Variants in LYVE1 observed in about 807,000 individuals in gnomAD.
LYVE1 encodes lymphatic vessel endothelial hyaluronic acid receptor 1.
Under a neutral mutation model 31.5 loss-of-function variants are expected in LYVE1, and 29 were observed. The ratio of observed to expected loss-of-function variants is 0.92; its 90% CI spans 0.69 to 1.26. The LOEUF (loss-of-function observed/expected upper bound fraction) is 1.26, where lower values mean the gene tolerates loss of function less well. Among genes scored for constraint, LYVE1 ranks in the 50% most tolerant of loss-of-function variants. The pLI, the probability that LYVE1 is intolerant of heterozygous loss-of-function variation, is 0.00. For missense variants in LYVE1, 376 were observed against 380.2 expected (o/e 0.99, Z 0.09); for synonymous variants, 134 against 139.4 (o/e 0.96, Z 0.27).
rs2134010270 is a variant in LYVE1 at position 10,564,271 on chromosome 11, C to T, written c.189G>A (p.Leu63=). The change falls in exon 2 of 6, where the codon CTG becomes CTA. Residue 63 remains leucine (L), a synonymous_variant. Transcript: ENST00000256178. ...CCTTGCCGGCCAAACTTAGTCCCAGCAGCCTACAGGCCTCCTTAGCTTCTG... is the reference window on the plus strand; with the variant it reads ...CCTTGCCGGCCAAACTTAGTCCCAGTAGCCTACAGGCCTCCTTAGCTTCTG... The part of the protein sequence containing the change: ...NFTEAKEACR[L]LGLSLAGKDQ... 6.2e-7 allele frequency: 1 copy of T among 1,614,238 alleles called. No homozygotes were observed. The highest frequency in any genetic ancestry group is 8.5e-7 in the Non-Finnish European group (1 of 1,180,038).
intron 1 of LYVE1, among the ~76,000 whole-genome samples, chr11:10,566,234 TG>T (rs1850539145): frequency 6.6e-6 from 1 of 152,058 alleles, no homozygotes; most frequent in South Asian, 2.1e-4. Context: ...TTCAGCCTCC[TG>T]ACTAGCTGGG....
intron 4 of LYVE1, 72 bp downstream of exon 4, chr11:10,560,423 G>A: frequency 7.4e-7 from 1 of 1,354,526 alleles, no homozygotes; most frequent in Non-Finnish European, 1.0e-6. Flanking sequence ...CTAAAGACAG[G>A]CAGGATTCTA....
chr11:10,559,414 G>A (rs1042786224), intron 5 of LYVE1, 117 bp from the exon 6 acceptor site: 4 of 688,422 alleles, frequency 5.8e-6, no homozygotes, highest in South Asian at 1.9e-5. Context: ...TCAGAGTGAT[G>A]CCAGCACATG....
chr11:10,564,437 C>T, intron 1 of LYVE1, 63 bp from the exon 2 acceptor site: 1 of 1,487,874 alleles, frequency 6.7e-7, no homozygotes, highest in East Asian at 2.3e-5. Flanking sequence ...CTTAGACTCT[C>T]CTTCCCAGCA....
chr11:10,557,997 TAAC>T lies in LYVE1; in HGVS notation c.*1111_*1113del, dbSNP rs1446593062. 3.3e-5 allele frequency: 5 copies of T among 152,202 alleles called. No individual in the cohort carries two copies. Among genetic ancestry groups the T allele is most frequent in the Non-Finnish European group, 5.9e-5 (4 of 68,032 alleles). The allele number at this position is 152,202 out of a possible 1,614,324, so 9.4% of individuals were successfully genotyped here. A position where few individuals can be genotyped will look rare whatever the true frequency, so the allele number is the denominator to read the frequency against. On this transcript the variant is annotated 3_prime_UTR_variant, in exon 6 of 6. Transcript: ENST00000256178. ...TAAAATGTGCTTTGGTATATAGAGG[TAAC>T]AATGTACTTCTTAGGTATGTTAATA...
chr11:10,562,623 AG>A (rs1850451615), intron 3 of LYVE1, among the ~76,000 whole-genome samples: 1 of 152,254 alleles, frequency 6.6e-6, no homozygotes, highest in Non-Finnish European at 1.5e-5. Context: ...ATAATCAGAC[AG>A]GGGTCCTTAT....
Position 10,563,833 on chromosome 11 carries a change from T to C in LYVE1, c.397+107A>G, listed in dbSNP as rs1850480065. The C allele has an allele frequency of 3.6e-6, 5 of 1,385,446 alleles. No individual in the cohort carries two copies. In the Admixed American group the frequency reaches 8.7e-5, roughly 24 times the overall value. The allele number at this position is 1,385,446 out of a possible 1,614,324, so 85.8% of individuals were successfully genotyped here. A position where few individuals can be genotyped will look rare whatever the true frequency, so the allele number is the denominator to read the frequency against. ...CAGTGTCGGGAGAATTAGATGGCCG[T>C]GGCTGTGATTGCTTCTGCTGCTGCT... is the stretch of plus-strand genomic sequence containing the variant. On this transcript the variant is annotated intron_variant, in intron 3 of 5. Coordinates refer to ENST00000256178, the MANE Select transcript of LYVE1 (RefSeq NM_006691.4).
At chr11:10,561,499 A>T (rs1850424134) in intron 3 of LYVE1, among the ~76,000 whole-genome samples, 2 of 152,162 alleles carry the variant, frequency 1.3e-5, no homozygotes, top group East Asian at 3.9e-4. Flanking sequence ...TGGGCTCATT[A>T]AAAAAAGAAG....
intron 3 of LYVE1, 51 bp downstream of exon 3, chr11:10,563,889 G>A (rs1347680940): frequency 6.2e-7 from 1 of 1,610,748 alleles, no homozygotes; most frequent in East Asian, 2.2e-5. Flanking sequence ...AGGTCTCAGA[G>A]TGAGAGATAC....
intron 1 of LYVE1, among the ~76,000 whole-genome samples, chr11:10,565,146 T>A (rs1163498747): frequency 6.6e-6 from 1 of 152,218 alleles, no homozygotes; most frequent in Non-Finnish European, 1.5e-5. Flanking sequence ...GAGTAAATTC[T>A]AATACAAATG....
chr11:10,561,632 G>A (rs1171152710), intron 3 of LYVE1, among the ~76,000 whole-genome samples: 1 of 152,152 alleles, frequency 6.6e-6, no homozygotes, highest in Non-Finnish European at 1.5e-5. Context: ...TGTTTAAATA[G>A]GTATCTCATT....
At chr11:10,562,027 A>G (rs896016701) in intron 3 of LYVE1, among the ~76,000 whole-genome samples, 2 of 152,228 alleles carry the variant, frequency 1.3e-5, no homozygotes, top group African/African-American at 4.8e-5. Flanking sequence ...AATACATGGG[A>G]TGGGAGTACA....
intron 3 of LYVE1, 110 bp downstream of exon 3, chr11:10,563,830 C>T (rs1414355148): frequency 3.7e-6 from 5 of 1,358,952 alleles, no homozygotes; most frequent in African/African-American, 2.9e-5. Context: ...AATTAGATGG[C>T]CGTGGCTGTG....
intron 3 of LYVE1, 37 bp downstream of exon 3, chr11:10,563,903 G>A (rs1850481530): frequency 6.2e-7 from 1 of 1,613,534 alleles, no homozygotes; most frequent in South Asian, 1.1e-5. Flanking sequence ...GAGATACCCA[G>A]AGAATGCCAC....
intron 1 of LYVE1, among the ~76,000 whole-genome samples, chr11:10,564,724 A>G (rs1219659273): frequency 2.0e-5 from 3 of 152,214 alleles, no homozygotes; most frequent in Non-Finnish European, 4.4e-5. Context: ...AAAATGAAGC[A>G]TCTGAGACTT....
intron 4 of LYVE1, 125 bp from the exon 5 acceptor site, chr11:10,560,019 A>C: frequency 1.6e-6 from 1 of 644,356 alleles, no homozygotes. Flanking sequence ...GTAGCCCTTT[A>C]TGATATTGGG....
At chr11:10,562,727 A>C (rs1850453416) in intron 3 of LYVE1, among the ~76,000 whole-genome samples, 1 of 152,154 alleles carries the variant, frequency 6.6e-6, no homozygotes, top group Non-Finnish European at 1.5e-5. Context: ...CAAGGTCTTC[A>C]AGCAAGGTTA....
intron 1 of LYVE1, among the ~76,000 whole-genome samples, chr11:10,566,481 A>C (rs1402848101): frequency 6.6e-6 from 1 of 152,060 alleles, no homozygotes; most frequent in African/African-American, 2.4e-5. Context: ...ACACACAGAC[A>C]CACACACACC....
At chr11:10,565,151 C>A (rs1323748098) in intron 1 of LYVE1, among the ~76,000 whole-genome samples, 1 of 152,080 alleles carries the variant, frequency 6.6e-6, no homozygotes, top group Non-Finnish European at 1.5e-5. Context: ...AATTCTAATA[C>A]AAATGTTTAG....
Sources: allele counts gnomAD v4.1 joint callset (sites outside exome capture counted in the v4.1 genomes callset), GRCh38; gene constraint gnomAD v4.1.1; transcripts MANE v1.5; gene names NCBI Gene and HGNC (gene_info 2026-07-23, HGNC 2026-07-21).